Variants in PTGFRN observed in about 807,000 individuals in gnomAD.
The protein encoded by PTGFRN is prostaglandin F2 receptor inhibitor, also known as prostaglandin F2 receptor negative regulator.
PTGFRN carries 35 observed loss-of-function variants against 83.2 expected under a neutral mutation model. The observed-to-expected ratio is 0.42, with a 90% CI of 0.32 to 0.56. The LOEUF (loss-of-function observed/expected upper bound fraction) is 0.56, where lower values mean the gene tolerates loss of function less well. Ranked by LOEUF, PTGFRN falls within the 20% of genes least tolerant of loss-of-function variation. The pLI is 0.11. For missense variants in PTGFRN, 1,051 were observed against 1,179.5 expected (o/e 0.89, Z 1.60); for synonymous variants, 519 against 498.6 (o/e 1.04, Z -0.55).
At chr1:116,968,701 T>C (rs1339989191) in intron 6 of PTGFRN, among the ~76,000 whole-genome samples, 1 of 152,182 alleles carries the variant, frequency 6.6e-6, no homozygotes, top group Non-Finnish European at 1.5e-5. Context: ...TTAGTAATCA[T>C]TCCCATGCCC....
At chr1:116,911,736 G>A (rs1475400449) in intron 1 of PTGFRN, among the ~76,000 whole-genome samples, 1 of 152,180 alleles carries the variant, frequency 6.6e-6, no homozygotes, top group Admixed American at 6.5e-5. Flanking sequence ...TCAAACTCCT[G>A]GGCTCAAGTC....
chr1:116,917,859 G>A (rs990291361), intron 1 of PTGFRN, among the ~76,000 whole-genome samples: 1 of 152,140 alleles, frequency 6.6e-6, no homozygotes, highest in Non-Finnish European at 1.5e-5. Context: ...CTGGCCTCAA[G>A]TGATCCTCCT....
At chr1:116,942,185 C>T (rs1227965827) in intron 2 of PTGFRN, 102 bp downstream of exon 2, 2 of 1,395,770 alleles carry the variant, frequency 1.4e-6, no homozygotes, top group Non-Finnish European at 1.9e-6. Flanking sequence ...TGAGGCTCTG[C>T]TCCCTCCTCT....
In PTGFRN at chr1:116,987,104, C is replaced by CT. The variant is rs1344095963; in HGVS notation, c.*141dup. 1 of 996,486 alleles carries CT rather than the reference C, an allele frequency of 1.0e-6. No homozygotes were observed. The highest frequency in any genetic ancestry group is 1.5e-6 in the Non-Finnish European group (1 of 685,454). 61.7% of individuals were successfully genotyped at this position (996,486 alleles called of 1,614,324 possible). A position where few individuals can be genotyped will look rare whatever the true frequency, so the allele number is the denominator to read the frequency against. ...TCTCAGGTGGGACTTGGCGCTCTCT[C>CT]TTTTCTGCATGTCAAGTTCTGAGCG... On this transcript the variant is annotated 3_prime_UTR_variant, in exon 9 of 9. Transcript: ENST00000393203.
chr1:116,949,686 A>T, intron 4 of PTGFRN, 114 bp downstream of exon 4: 1 of 1,401,316 alleles, frequency 7.1e-7, no homozygotes. Context: ...CATTATTTCT[A>T]TTGGTTCATG....
chr1:116,967,453 T>C, intron 6 of PTGFRN, 123 bp downstream of exon 6: 1 of 1,002,054 alleles, frequency 1.0e-6, no homozygotes, highest in Non-Finnish European at 1.4e-6. Context: ...ACAATGTACC[T>C]GTTTAAAGTG....
chr1:116,985,044 G>T, intron 8 of PTGFRN, 59 bp downstream of exon 8: 3 of 1,544,942 alleles, frequency 1.9e-6, no homozygotes, highest in South Asian at 1.2e-5. Context: ...GTGCCAGGCT[G>T]TAGCTGACAG....
intron 1 of PTGFRN, among the ~76,000 whole-genome samples, chr1:116,933,230 T>G (rs1314101810): frequency 6.6e-6 from 1 of 152,142 alleles, no homozygotes; most frequent in Non-Finnish European, 1.5e-5. Context: ...TTTTTTATTC[T>G]ACCCTCCCCC....
chr1:116,953,775 T>C (rs10737726), intron 4 of PTGFRN, among the ~76,000 whole-genome samples: 151,004 of 152,016 alleles, frequency 0.99, 75,007 homozygotes, highest in East Asian at 1. Flanking sequence ...TTTTCATCCC[T>C]CTCAAAGCTA....
In PTGFRN at chr1:116,974,339, C is replaced by T. The variant is rs570448539; in HGVS notation, c.2167+16C>T. 3 of 1,533,190 alleles carry T rather than the reference C, an allele frequency of 2.0e-6. No individual in the cohort carries two copies. Among genetic ancestry groups the T allele is most frequent in the East Asian group, 4.5e-5 (2 of 44,490 alleles). The allele number at this position is 1,533,190 out of a possible 1,614,324, so 95.0% of individuals were successfully genotyped here. A position where few individuals can be genotyped will look rare whatever the true frequency, so the allele number is the denominator to read the frequency against. On this transcript the variant is annotated intron_variant, in intron 7 of 8. Coordinates refer to ENST00000393203, the MANE Select transcript of PTGFRN (RefSeq NM_020440.4). ...CTGGATCCAGGTACCTCACTCCATC[C>T]TCACCCCTTCACCATGTTGCTTTCT...
chr1:116,956,100 A>G (rs1274879809), intron 4 of PTGFRN, among the ~76,000 whole-genome samples: 1 of 152,218 alleles, frequency 6.6e-6, no homozygotes, highest in Non-Finnish European at 1.5e-5. Flanking sequence ...AACAAAAACG[A>G]AATCAGAACC....
At chr1:116,948,380 C>T (rs1357791323) in intron 3 of PTGFRN, among the ~76,000 whole-genome samples, 1 of 152,192 alleles carries the variant, frequency 6.6e-6, no homozygotes, top group East Asian at 1.9e-4. Context: ...TAATTATCCA[C>T]ACTAATGAGA....
rs1177631009 is a variant in PTGFRN, at chr1:116,944,946, C to T, written c.686C>T (p.Ala229Val). ...CGCCTCGACACCGTGGGCAGCGACG[C>T]CTACCGCCTCTCAGTGTCCCGGGCT... ...DVRLDTVGSD[A>V]YRLSVSRALS... Residue 229 changes from alanine to valine, a missense_variant, in exon 3 of 9, where the codon GCC becomes GTC. By Grantham distance (64) the Ala-to-Val change is moderately conservative. Transcript: ENST00000393203. 2.5e-6 allele frequency: 4 copies of T among 1,613,396 alleles called. No individual in the cohort carries two copies. The highest frequency in any genetic ancestry group is 2.5e-6 in the Non-Finnish European group (3 of 1,180,018).
intron 7 of PTGFRN, among the ~76,000 whole-genome samples, chr1:116,976,852 G>T (rs879805811): frequency 1.3e-5 from 2 of 152,152 alleles, no homozygotes; most frequent in African/African-American, 2.4e-5. Flanking sequence ...CATAATGACA[G>T]GATCAAATTC....
intron 1 of PTGFRN, among the ~76,000 whole-genome samples, chr1:116,910,718 T>A (rs1649248405): frequency 6.6e-6 from 1 of 151,610 alleles, no homozygotes. Flanking sequence ...CCGCGCGGAG[T>A]TGCCTTTCCA....
chr1:116,942,072 T>G lies in PTGFRN; in HGVS notation c.407T>G (p.Val136Gly). 4.3e-6 allele frequency: 7 copies of G among 1,612,906 alleles called. No homozygotes were observed. Among genetic ancestry groups the G allele is most frequent in the Non-Finnish European group, 5.1e-6 (6 of 1,179,132 alleles). ...GTCCAGGGAAACTATGAGGACACAG[T>G]GCAGGTTAAAGGTACAGTCCTCACA... ...ATVQGNYEDTVQVKVLADSLH... is the reference protein window; with the variant it reads ...ATVQGNYEDTGQVKVLADSLH... The change falls in exon 2 of 9, where the codon GTG becomes GGG. Residue 136 changes from valine to glycine, a missense_variant. Transcript: ENST00000393203.
intron 1 of PTGFRN, among the ~76,000 whole-genome samples, chr1:116,938,648 G>C (rs1649981298): frequency 6.6e-6 from 1 of 151,994 alleles, no homozygotes; most frequent in Non-Finnish European, 1.5e-5. Context: ...TCTGCCCCTG[G>C]CTCCTCCCAA....
Position 116,961,459 on chromosome 1 carries a change from A to G in PTGFRN, c.1430A>G (p.Glu477Gly), listed in dbSNP as rs1382206943. The change falls in exon 5 of 9, where the codon GAG becomes GGG. Residue 477 changes from glutamate to glycine, a missense_variant. Transcript: ENST00000393203. This position sits in a 1 kb window ranked among gnomAD's most constrained non-coding sequence, Gnocchi z 5.4. ...GGGGACTGGACGCTAAAATATGGAG[A>G]GAGGAGCAAGCAGCGGGCCCAGGAT... ...MDGDWTLKYGERSKQRAQDGD... is the reference protein window; with the variant it reads ...MDGDWTLKYGGRSKQRAQDGD... 6.2e-7 allele frequency: 1 copy of G among 1,614,036 alleles called. No individual in the cohort carries two copies. Among genetic ancestry groups the G allele is most frequent in the African/African-American group, 1.3e-5 (1 of 74,898 alleles).
rs1334080270 is a variant in PTGFRN, at chr1:116,918,279, T to C, written c.49+8027T>C. Reference sequence around the variant, plus strand: ...TCCTGTCTTCCCTCAGTGTGAACCTTGGACAGGTTTTCTAACCTCTTTGAA... The same window carrying C: ...TCCTGTCTTCCCTCAGTGTGAACCTCGGACAGGTTTTCTAACCTCTTTGAA... On this transcript the variant is annotated intron_variant, in intron 1 of 8. Transcript: ENST00000393203. The surrounding 1 kb of genome is among the most constrained non-coding windows in gnomAD (Gnocchi z 4.1). 1.3e-5 allele frequency among the ~76,000 whole-genome samples: 2 copies of C among 152,250 alleles called. No individual in the cohort carries two copies. The highest frequency in any genetic ancestry group is 4.8e-5 in the African/African-American group (2 of 41,468).
Sources: allele counts gnomAD v4.1 joint callset (sites outside exome capture counted in the v4.1 genomes callset), GRCh38; gene constraint gnomAD v4.1.1; non-coding constraint Gnocchi (gnomAD v3.1); transcripts MANE v1.5; gene names NCBI Gene and HGNC (gene_info 2026-07-23, HGNC 2026-07-21).